PCDH11X: variants seen among roughly 807,000 people sequenced by gnomAD.
PCDH11X encodes the protein protocadherin 11 X-linked.
A neutral mutation model predicts 53.3 loss-of-function variants in PCDH11X; 18 were observed. The ratio of observed to expected loss-of-function variants is 0.34; its 90% CI spans 0.23 to 0.50. The LOEUF (loss-of-function observed/expected upper bound fraction) is 0.50. Among genes scored for constraint, PCDH11X ranks in the 20% least tolerant of loss-of-function variants. PCDH11X has a pLI of 0.98. For synonymous variants in PCDH11X, 279 were observed against 393.3 expected, an observed-to-expected ratio of 0.71 and a Z score of 3.44; for missense variants, 570 against 1,032.4, an observed-to-expected ratio of 0.55 and a Z score of 6.14.
intron 8 of PCDH11X, among the ~76,000 whole-genome samples, chrX:92,382,649 A>T (rs764710588): frequency 3.0e-4 from 33 of 111,721 alleles, no homozygotes; most frequent in Non-Finnish European, 6.2e-4. Flanking sequence ...TGGAATTTTG[A>T]TTCATTTGAG....
intron 10 of PCDH11X, among the ~76,000 whole-genome samples, chrX:92,591,706 A>G (rs982961737): frequency 2.7e-5 from 3 of 111,604 alleles, no homozygotes; most frequent in African/African-American, 9.8e-5. Flanking sequence ...TATGTCAGGT[A>G]GCCAGTCTGA....
chrX:92,190,320 G>A (rs955755063), intron 6 of PCDH11X, among the ~76,000 whole-genome samples: 1 of 111,437 alleles, frequency 9.0e-6, no homozygotes, highest in East Asian at 2.8e-4. Context: ...ATTAAATAGG[G>A]AATTCTTTCC....
intron 10 of PCDH11X, among the ~76,000 whole-genome samples, chrX:92,501,493 A>T (rs2073958416): frequency 1.8e-5 from 2 of 111,556 alleles, no homozygotes; most frequent in African/African-American, 6.5e-5. Context: ...AATATTGGCA[A>T]ACCAAAGCCA....
chrX:91,981,801 T>C (rs951007370), intron 6 of PCDH11X, among the ~76,000 whole-genome samples: 8 of 106,077 alleles, frequency 7.5e-5, no homozygotes, highest in African/African-American at 2.8e-4. Context: ...TTTTCTTTTT[T>C]TTAGGTTTCA....
chrX:91,952,688 G>A lies in PCDH11X; in HGVS notation c.3033+73415G>A, dbSNP rs1011360411. 2.7e-5 allele frequency among the ~76,000 whole-genome samples: 3 copies of A among 111,429 alleles called. No homozygotes were observed. In the Admixed American group the frequency reaches 2.9e-4, roughly 11 times the overall value. On this transcript the variant is annotated intron_variant, in intron 6 of 10. Transcript: ENST00000682573. The stretch of plus-strand genomic sequence containing the variant: ...TATGATCCAGCAATCCCACTCCTGG[G>A]CATATACTGAAAAGAAAAGGAATCA...
chrX:92,172,515 G>A (rs767188401), intron 6 of PCDH11X, among the ~76,000 whole-genome samples: 11 of 108,892 alleles, frequency 1.0e-4, no homozygotes, highest in African/African-American at 3.7e-4. Context: ...TCAGCCTACC[G>A]AGTAACTGGG....
intron 6 of PCDH11X, among the ~76,000 whole-genome samples, chrX:91,909,698 G>A (rs1218377439): frequency 3.8e-5 from 4 of 104,714 alleles, no homozygotes; most frequent in African/African-American, 1.0e-4. Context: ...CAGAGACCTC[G>A]GAAATTGATA....
At chrX:92,379,707 T>C (rs181613378) in intron 8 of PCDH11X, among the ~76,000 whole-genome samples, 44,440 of 107,475 alleles carry the variant, frequency 0.41, 7,507 homozygotes, top group Non-Finnish European at 0.49. Flanking sequence ...TGGCTGTCCA[T>C]GGACCAATCA....
intron 9 of PCDH11X, among the ~76,000 whole-genome samples, chrX:92,397,093 A>C (rs1404308746): frequency 4.3e-5 from 2 of 46,846 alleles, no homozygotes; most frequent in Admixed American, 3.4e-4. Context: ...TCATGCAAAA[A>C]TAAAAATATT....
intron 6 of PCDH11X, among the ~76,000 whole-genome samples, chrX:92,018,385 C>CA (rs2062831085): frequency 8.9e-6 from 1 of 111,914 alleles, no homozygotes; most frequent in Non-Finnish European, 1.9e-5. Flanking sequence ...CTAAGTAGAG[C>CA]ATTTTTTAAT....
intron 7 of PCDH11X, 100 bp from the exon 8 acceptor site, chrX:92,263,014 A>C: frequency 1.2e-5 from 4 of 321,144 alleles, no homozygotes; most frequent in Middle Eastern, 1.1e-3. Context: ...TTTTTTTTCA[A>C]AAAAAAAAAA....
chrX:92,025,947 C>T (rs1441907341), intron 6 of PCDH11X, among the ~76,000 whole-genome samples: 1 of 110,077 alleles, frequency 9.1e-6, no homozygotes, highest in African/African-American at 3.3e-5. Flanking sequence ...AATACAGGAA[C>T]AGCAAACCAA....
chrX:91,802,680 G>A (rs767480820), intron 1 of PCDH11X, among the ~76,000 whole-genome samples: 53 of 111,667 alleles, frequency 4.7e-4, no homozygotes, highest in African/African-American at 1.7e-3. Context: ...TATCTATATA[G>A]AATATATGAA....
chrX:92,451,026 C>A (rs1055243599), intron 9 of PCDH11X, among the ~76,000 whole-genome samples: 17 of 109,868 alleles, frequency 1.5e-4, no homozygotes, highest in African/African-American at 4.6e-4. Context: ...AAAAAGTTTC[C>A]AATTTATTAA....
chrX:92,491,980 G>A (rs1325217300), intron 10 of PCDH11X, among the ~76,000 whole-genome samples: 1 of 111,075 alleles, frequency 9.0e-6, no homozygotes, highest in African/African-American at 3.3e-5. Flanking sequence ...CAAAAATATG[G>A]TTTATGTTGG....
chrX:91,814,855 A>G (rs1036320585), intron 4 of PCDH11X, among the ~76,000 whole-genome samples: 3 of 103,103 alleles, frequency 2.9e-5, no homozygotes, highest in Non-Finnish European at 3.9e-5. Context: ...ATTCAAGTCC[A>G]GTTAGTTTTT....
chrX:92,376,185 CTGACA>C (rs1442427008), intron 8 of PCDH11X, among the ~76,000 whole-genome samples: 1 of 111,757 alleles, frequency 8.9e-6, no homozygotes. Context: ...GTACCACAAA[CTGACA>C]TGTCAAACTT....
intron 4 of PCDH11X, among the ~76,000 whole-genome samples, chrX:91,822,124 T>C (rs982601179): frequency 5.5e-5 from 6 of 110,027 alleles, no homozygotes; most frequent in Admixed American, 3.8e-4. Flanking sequence ...AGGATATTGG[T>C]CTAAAATTCT....
At chrX:92,521,469 G>A (rs1436287102) in intron 10 of PCDH11X, among the ~76,000 whole-genome samples, 3 of 111,478 alleles carry the variant, frequency 2.7e-5, no homozygotes, top group Non-Finnish European at 5.7e-5. Context: ...ACGAAAATAT[G>A]TGCTGTCATT....
Sources: gnomAD v4.1 joint callset for allele counts (sites outside exome capture counted in the v4.1 genomes callset) on GRCh38, gnomAD v4.1.1 for gene constraint, MANE v1.5 for transcripts, NCBI Gene and HGNC (gene_info 2026-07-23, HGNC 2026-07-21) for gene names.